ZNF816: variants seen among roughly 807,000 people sequenced by gnomAD.
ZNF816 encodes the protein zinc finger protein 816, also known as zinc finger protein 816A.
ZNF816 carries 11 observed loss-of-function variants against 8.3 expected under a neutral mutation model. The observed-to-expected ratio is 1.32, with a 90% CI of 0.83 to 2.19. The LOEUF (loss-of-function observed/expected upper bound fraction) is 2.19. Ranked by LOEUF, ZNF816 falls within the 30% of genes most tolerant of loss-of-function variation. The pLI is 0.00. For missense variants in ZNF816, 710 were observed against 779.3 expected (o/e 0.91, Z 1.06); for synonymous variants, 255 against 254.5 (o/e 1.00, Z -0.02).
At position 52,949,865 on chromosome 19, in the gene ZNF816, A is replaced by C. The variant is rs143999329; in HGVS notation, c.1910T>G (p.Ile637Ser). The C allele has an allele frequency of 6.2e-7, 1 of 1,613,752 alleles. No individual in the cohort carries two copies. Among genetic ancestry groups the C allele is most frequent in the Non-Finnish European group, 8.5e-7 (1 of 1,179,720 alleles). Reference protein sequence around the residue: ...GKAFTGQSTLIHHQAIHGCRE... With the variant: ...GKAFTGQSTLSHHQAIHGCRE... ...ACACCCATGGATTGCTTGATGGTGA[A>C]TAAGTGTTGACTGTCCAGTAAAGGC... The change falls in exon 4 of 4, where the codon ATT becomes AGT. Residue 637 changes from isoleucine (I) to serine (S), a missense_variant. Transcript: ENST00000444460.
chr19:52,962,198 T>C (rs2083562619), intron 1 of ZNF816, among the ~76,000 whole-genome samples: 1 of 152,098 alleles, frequency 6.6e-6, no homozygotes, highest in African/African-American at 2.4e-5. Context: ...TATACTATAC[T>C]ATACTAGTCC....
At chr19:52,952,544 T>C in intron 3 of ZNF816, 2 of 887,216 alleles carry the variant, frequency 2.3e-6, no homozygotes, top group Non-Finnish European at 3.3e-6. Flanking sequence ...AAAGTGTTCG[T>C]GAATTTTCTG....
chr19:52,957,656 C>A lies in ZNF816; in HGVS notation c.-15-1552G>T, dbSNP rs2083521682. On this transcript the variant is annotated intron_variant, in intron 1 of 3. Transcript: ENST00000444460. The surrounding 1 kb of genome is among the most constrained non-coding windows in gnomAD (Gnocchi z 4.6). ...TCAGTAGTAACCGCCCCGGTTGCCC[C>A]CCTTTCCAAAAAGACTATTGTTATA... Among the ~76,000 whole-genome samples the A allele has an allele frequency of 6.6e-6, 1 of 152,162 alleles. No homozygotes were observed. The highest frequency in any genetic ancestry group is 6.5e-5 in the Admixed American group (1 of 15,276).
intron 1 of ZNF816, among the ~76,000 whole-genome samples, chr19:52,960,417 G>A (rs957359001): frequency 6.6e-6 from 1 of 152,294 alleles, no homozygotes; most frequent in East Asian, 1.9e-4. Context: ...CGGCCCTTAC[G>A]AATCAGCTCG....
rs775785694 is a variant in ZNF816 at position 52,951,513 on chromosome 19, C to T, written c.262G>A (p.Gly88Arg). Residue 88 changes from glycine to arginine, a missense_variant, in exon 4 of 4, where the codon GGG becomes AGG. Physicochemically the swap from Gly to Arg is moderately radical, Grantham distance 125 (BLOSUM62 -2). Transcript: ENST00000444460. Reference protein sequence around the residue: ...HSITGEVIHTGTLQRHKSHHI... With the variant: ...HSITGEVIHTRTLQRHKSHHI... ...TGACTTTTATGTCTTTGCAACGTCCCTGTGTGGATCACTTCTCCTGTAATA... is the reference window on the plus strand; with the variant it reads ...TGACTTTTATGTCTTTGCAACGTCCTTGTGTGGATCACTTCTCCTGTAATA... 1 of 1,610,562 alleles carries T rather than the reference C, an allele frequency of 6.2e-7. No individual in the cohort carries two copies. The highest frequency in any genetic ancestry group is 8.5e-7 in the Non-Finnish European group (1 of 1,178,144).
intron 1 of ZNF816, 48 bp from the exon 2 acceptor site, chr19:52,956,152 C>G: frequency 6.4e-7 from 1 of 1,571,946 alleles, no homozygotes; most frequent in Admixed American, 2.0e-5. Flanking sequence ...ACCATTGACT[C>G]CTTTCCTGTG....
At chr19:52,958,916 G>C (rs905227715) in intron 1 of ZNF816, among the ~76,000 whole-genome samples, 3 of 152,346 alleles carry the variant, frequency 2.0e-5, no homozygotes, top group African/African-American at 7.2e-5. Flanking sequence ...ACAACAGCAA[G>C]CCTTTCATGA....
At position 52,951,045 on chromosome 19, in the gene ZNF816, AGAGT is replaced by A; in HGVS notation, c.726_729del (p.Leu243Ter). 1 of 1,613,908 alleles carries A rather than the reference AGAGT, an allele frequency of 6.2e-7. No individual in the cohort carries two copies. Among genetic ancestry groups the A allele is most frequent in the Non-Finnish European group, 8.5e-7 (1 of 1,179,956 alleles). On this transcript the variant is annotated frameshift_variant, in exon 4 of 4. Coordinates refer to ENST00000444460, the MANE Select transcript of ZNF816 (RefSeq NM_001202457.3). LOFTEE classifies it low-confidence loss of function (END_TRUNC). ...GAATGGGTTATGTGGTGTCTCCTTA[AGAGT>A]GAGCTATAATTAAAGGCTTTGCCAC... is the stretch of plus-strand genomic sequence containing the variant.
rs200179785 is a variant in ZNF816, at chr19:52,952,843, A to G, written c.98T>C (p.Phe33Ser). The G allele has an allele frequency of 6.2e-7, 1 of 1,613,044 alleles. No individual in the cohort carries two copies. The highest frequency in any genetic ancestry group is 8.5e-7 in the Non-Finnish European group (1 of 1,179,690). The change falls in exon 3 of 4, where the codon TTC becomes TCC. Residue 33 changes from phenylalanine to serine, a missense_variant. Phe to Ser is a radical substitution (Grantham distance 155). Coordinates refer to ENST00000444460, the MANE Select transcript of ZNF816 (RefSeq NM_001202457.3). ...CAGGCATTTCCACTCCTCCAAAGAG[A>G]ACTCTATAGCCACATCCCTGAAAGT... ...RLTFRDVAIE[F>S]SLEEWKCLNP...
intron 2 of ZNF816, among the ~76,000 whole-genome samples, chr19:52,955,289 T>G (rs954264030): frequency 6.6e-6 from 1 of 152,224 alleles, no homozygotes; most frequent in African/African-American, 2.4e-5. Flanking sequence ...ATTTCATAAT[T>G]TGAAGTCAAT....
chr19:52,961,439 T>C (rs1403697686), intron 1 of ZNF816, among the ~76,000 whole-genome samples: 1 of 152,228 alleles, frequency 6.6e-6, no homozygotes, highest in Non-Finnish European at 1.5e-5. Flanking sequence ...AAAATTTGCC[T>C]GTTGCCCATG....
chr19:52,951,387 T>C lies in ZNF816; in HGVS notation c.388A>G (p.Thr130Ala). 6.2e-7 allele frequency: 1 copy of C among 1,614,154 alleles called. No individual in the cohort carries two copies. The highest frequency in any genetic ancestry group is 1.1e-5 in the South Asian group (1 of 91,088). The change falls in exon 4 of 4, where the codon ACA becomes GCA. Residue 130 changes from threonine (T) to alanine (A), a missense_variant. Transcript: ENST00000444460. ...CTACCAGTCAACTTTTTGATTTTTG[T>C]CATGGGTGCTTCATGGCCATTTCTT... Reference protein sequence around the residue: ...VERNGHEAPMTKIKKLTGSTD... With the variant: ...VERNGHEAPMAKIKKLTGSTD...
At chr19:52,955,343 T>C (rs2083500749) in intron 2 of ZNF816, among the ~76,000 whole-genome samples, 1 of 152,232 alleles carries the variant, frequency 6.6e-6, no homozygotes, top group Non-Finnish European at 1.5e-5. Flanking sequence ...ATATCCGCTT[T>C]CCATTCTATT....
Position 52,951,331 on chromosome 19 carries a change from T to A in ZNF816, c.444A>T (p.Gly148=). 5 of 1,614,250 alleles carry A rather than the reference T, an allele frequency of 3.1e-6. No individual in the cohort carries two copies. The highest frequency in any genetic ancestry group is 4.2e-6 in the Non-Finnish European group (5 of 1,180,040). Residue 148 remains glycine (G), a synonymous_variant, in exon 4 of 4, where the codon GGA becomes GGT. Transcript: ENST00000444460. ...CAAGCTGATCTTTAATAGGCTTGTT[T>A]CCAGCATGCCTGTGATCACTTCGGT... ...STDRSDHRHA[G]NKPIKDQLGL...
At position 52,951,170 on chromosome 19, in the gene ZNF816, T is replaced by C. The variant is rs1442620500; in HGVS notation, c.605A>G (p.His202Arg). ...ATTCTTCCCATACTTATTAGAAATATGAGTTTTGAGCCTACAAGAAATTCT... is the reference window on the plus strand; with the variant it reads ...ATTCTTCCCATACTTATTAGAAATACGAGTTTTGAGCCTACAAGAAATTCT... ...SQRISCRLKT[H>R]ISNKYGKNFL... The change falls in exon 4 of 4, where the codon CAT (histidine) becomes CGT (arginine). Residue 202 changes from histidine (H) to arginine (R), a missense_variant. Physicochemically the swap from His to Arg is conservative, Grantham distance 29. Transcript: ENST00000444460. 3.7e-6 allele frequency: 6 copies of C among 1,613,844 alleles called. No individual in the cohort carries two copies. The highest frequency in any genetic ancestry group is 3.3e-5 in the South Asian group (3 of 91,076).
At chr19:52,961,556 A>C (rs1020853715) in intron 1 of ZNF816, among the ~76,000 whole-genome samples, 3 of 152,224 alleles carry the variant, frequency 2.0e-5, no homozygotes, top group Non-Finnish European at 4.4e-5. Context: ...ACTAGAACTA[A>C]TAATCACTAA....
Position 52,956,042 on chromosome 19 carries a change from C to T in ZNF816, c.48G>A (p.Gly16=), listed in dbSNP as rs142384111. 5 of 1,611,572 alleles carry T rather than the reference C, an allele frequency of 3.1e-6. No individual in the cohort carries two copies. Among genetic ancestry groups the T allele is most frequent in the Non-Finnish European group, 4.2e-6 (5 of 1,179,344 alleles). ...TATCACTTACCTGAGGAAGAGCCAT[C>T]CCTGGCTCCTTTTCTTTGCTCTTCT... ...ATKKSKEKEP[G]MALPQGRLTF... The change falls in exon 2 of 4, where the codon GGG becomes GGA. Residue 16 remains glycine (G), a synonymous_variant. Transcript: ENST00000444460.
intron 1 of ZNF816, among the ~76,000 whole-genome samples, chr19:52,960,357 G>C (rs570318802): frequency 6.6e-6 from 1 of 152,200 alleles, no homozygotes; most frequent in Non-Finnish European, 1.5e-5. Context: ...TATCCCACAC[G>C]AACTGAGAAA....
intron 3 of ZNF816, 180 bp from the exon 4 acceptor site, chr19:52,951,764 G>C (rs866761726): frequency 1.3e-5 from 8 of 609,730 alleles, no homozygotes; most frequent in South Asian, 9.5e-5. Flanking sequence ...CAGTCATGGT[G>C]GTGGGTGCCT....
Sources: gnomAD v4.1 joint callset for allele counts (sites outside exome capture counted in the v4.1 genomes callset) on GRCh38, gnomAD v4.1.1 for gene constraint, Gnocchi (gnomAD v3.1) non-coding constraint, MANE v1.5 for transcripts, NCBI Gene and HGNC (gene_info 2026-07-23, HGNC 2026-07-21) for gene names.